MYLK2: variants seen among roughly 807,000 people sequenced by gnomAD.
MYLK2 encodes the protein myosin light chain kinase 2.
Under a neutral mutation model 58.2 loss-of-function variants are expected in MYLK2, and 27 were observed. The observed-to-expected ratio is 0.46, with a 90% CI of 0.34 to 0.64. MYLK2 has a LOEUF of 0.64. Ranked by LOEUF, MYLK2 falls within the 30% of genes least tolerant of loss-of-function variation. MYLK2 has a pLI of 0.01. For synonymous variants in MYLK2, 310 were observed against 296.7 expected (o/e 1.04, Z -0.46); for missense variants, 676 against 764.3 (o/e 0.88, Z 1.36).
chr20:31,823,312 G>C (rs1204343354), intron 4 of MYLK2, among the ~76,000 whole-genome samples, 165 bp from the exon 5 acceptor site: 1 of 152,196 alleles, frequency 6.6e-6, no homozygotes, highest in African/African-American at 2.4e-5. Flanking sequence ...ACTGATATTG[G>C]AAACTGGGCC....
At position 31,826,912 on chromosome 20, in the gene MYLK2, A is replaced by G. The variant is rs749924823; in HGVS notation, c.1198A>G (p.Met400Val). The part of the protein sequence containing the change: ...ICDGILFMHK[M>V]RVLHLDLKPE... ...TGACGGGATCCTCTTCATGCACAAG[A>G]TGAGGGTTTTGCACCTGGACCTCAA... The change falls in exon 8 of 13, where the codon ATG becomes GTG. Residue 400 changes from methionine to valine, a missense_variant. By Grantham distance (21) the Met-to-Val change is conservative (BLOSUM62 1). Around this residue, in one of 2 missense-constraint regions of MYLK2, gnomAD observed 370 missense variants for 467.8 expected, o/e 0.79. Transcript: ENST00000375985. The G allele has an allele frequency of 3.7e-6, 6 of 1,614,056 alleles. No homozygotes were observed. In the South Asian group the frequency reaches 6.6e-5, roughly 18 times the overall value.
chr20:31,821,477 C>CA lies in MYLK2; in HGVS notation c.513dup (p.Ser172IlefsTer6). On this transcript the variant is annotated frameshift_variant, in exon 4 of 13. Coordinates refer to ENST00000375985, the MANE Select transcript of MYLK2 (RefSeq NM_033118.4). LOFTEE classifies it high-confidence loss of function. ...CTGGCCAAGAAGCCCCCAAGCGAGG[C>CA]ATCAGAGCTCACCTTTGAAGGGGTG... 6.2e-7 allele frequency: 1 copy of CA among 1,613,888 alleles called. No homozygotes were observed. The highest frequency in any genetic ancestry group is 8.5e-7 in the Non-Finnish European group (1 of 1,180,044).
rs1029005141 is a variant in MYLK2 at position 31,833,956 on chromosome 20, C to A, written c.*159C>A. The A allele has an allele frequency of 1.1e-5, 7 of 658,324 alleles. No individual in the cohort carries two copies. In the African/African-American group the frequency reaches 1.1e-4, roughly 10 times the overall value. The allele number at this position is 658,324 out of a possible 1,614,324, so 40.8% of individuals were successfully genotyped here. A position where few individuals can be genotyped will look rare whatever the true frequency, so the allele number is the denominator to read the frequency against. The stretch of plus-strand genomic sequence containing the variant: ...GCTCGGGGCTCCCCACGCCCCCATG[C>A]AGTGACCGCTTCCCCGATGTGAGCC... On this transcript the variant is annotated 3_prime_UTR_variant, in exon 13 of 13. Coordinates refer to ENST00000375985, the MANE Select transcript of MYLK2 (RefSeq NM_033118.4).
intron 4 of MYLK2, among the ~76,000 whole-genome samples, chr20:31,822,569 G>A (rs1292461318): frequency 6.6e-6 from 1 of 152,078 alleles, no homozygotes; most frequent in African/African-American, 2.4e-5. Context: ...GCCAGCAGGT[G>A]AATAGGGAAA....
At chr20:31,829,613 G>T (rs1356789956) in intron 8 of MYLK2, among the ~76,000 whole-genome samples, 1 of 152,214 alleles carries the variant, frequency 6.6e-6, no homozygotes, top group African/African-American at 2.4e-5. Context: ...GGATCAGGGG[G>T]TGGTGGCGAC....
chr20:31,819,653 A>T (rs2062241593), intron 2 of MYLK2, 21 bp downstream of exon 2: 2 of 1,551,238 alleles, frequency 1.3e-6, no homozygotes, highest in South Asian at 2.4e-5. Context: ...GGGGCAGGAG[A>T]TGGAGGGAGG....
Position 31,833,770 on chromosome 20 carries a change from G to T in MYLK2, c.1764G>T (p.Ser588=). The T allele has an allele frequency of 6.2e-7, 1 of 1,613,472 alleles. No individual in the cohort carries two copies. The highest frequency in any genetic ancestry group is 1.3e-5 in the African/African-American group (1 of 75,008). The part of the protein sequence containing the change: ...AANRFKKISS[S]GALMALGV Reference sequence around the variant, plus strand: ...ACCGCTTCAAGAAGATCAGCAGCTCGGGGGCACTGATGGCTCTGGGGGTCT... The same window carrying T: ...ACCGCTTCAAGAAGATCAGCAGCTCTGGGGCACTGATGGCTCTGGGGGTCT... The change falls in exon 13 of 13, where the codon TCG becomes TCT. Residue 588 remains serine, a synonymous_variant. Transcript: ENST00000375985.
intron 11 of MYLK2, 70 bp from the exon 12 acceptor site, chr20:31,831,934 G>T: frequency 6.2e-7 from 1 of 1,613,200 alleles, no homozygotes; most frequent in Non-Finnish European, 8.5e-7. Context: ...GAGCCAGGTA[G>T]AGAGGCCAGC....
At chr20:31,824,861 G>C (rs2062270951) in intron 6 of MYLK2, among the ~76,000 whole-genome samples, 1 of 152,240 alleles carries the variant, frequency 6.6e-6, no homozygotes, top group Non-Finnish European at 1.5e-5. Context: ...TGTGTGAGGA[G>C]GTAATAGCAA....
Position 31,823,017 on chromosome 20 carries a change from CG to C in MYLK2, c.773-458del, listed in dbSNP as rs1342074859. 5.9e-5 allele frequency among the ~76,000 whole-genome samples: 9 copies of C among 152,240 alleles called. 1 individual carries two copies. The East Asian group carries it at 9.7e-4, about 16-fold the overall frequency. ...TCTCCCCACCAAACAGCACGGTCCC[CG>C]GTCCCGCCCCGCCATGGGTGGTCTG... On this transcript the variant is annotated intron_variant, in intron 4 of 12. Transcript: ENST00000375985.
intron 5 of MYLK2, 88 bp downstream of exon 5, chr20:31,823,670 A>T (rs1487353287): frequency 7.8e-6 from 10 of 1,276,234 alleles, no homozygotes; most frequent in Admixed American, 7.0e-5. Flanking sequence ...CAAGGCCCAG[A>T]CACACACCCC....
intron 6 of MYLK2, 131 bp from the exon 7 acceptor site, chr20:31,826,474 G>A (rs932750672): frequency 3.2e-6 from 4 of 1,236,976 alleles, no homozygotes; most frequent in Non-Finnish European, 4.6e-6. Flanking sequence ...GGGGGAGAGA[G>A]GAGAGGCAAG....
chr20:31,825,372 CTG>C (rs369834875), intron 6 of MYLK2, among the ~76,000 whole-genome samples: 58 of 152,326 alleles, frequency 3.8e-4, no homozygotes, highest in African/African-American at 1.4e-3. Flanking sequence ...GCTCAATTAA[CTG>C]GGGCCAGTTT....
At chr20:31,833,067 T>C (rs1196009931) in intron 12 of MYLK2, among the ~76,000 whole-genome samples, 1 of 151,998 alleles carries the variant, frequency 6.6e-6, no homozygotes, top group African/African-American at 2.4e-5. Flanking sequence ...TTTAAAAATA[T>C]TTTTGTGGAG....
chr20:31,821,755 G>A lies in MYLK2; in HGVS notation c.772+18G>A, dbSNP rs773045483. 1.3e-6 allele frequency: 2 copies of A among 1,575,910 alleles called. No homozygotes were observed. The highest frequency in any genetic ancestry group is 1.7e-6 in the Non-Finnish European group (2 of 1,159,174). ...GATTTTGGGTAGGCCAGGGGCAGGT[G>A]GGGGCTGGGGCTGCCCTGGGGCCAG... On this transcript the variant is annotated intron_variant, in intron 4 of 12. Coordinates refer to ENST00000375985, the MANE Select transcript of MYLK2 (RefSeq NM_033118.4).
chr20:31,826,744 G>T (rs1326742121), intron 7 of MYLK2, 30 bp downstream of exon 7: 1 of 1,614,074 alleles, frequency 6.2e-7, no homozygotes, highest in South Asian at 1.1e-5. Context: ...GTAGGGGCTG[G>T]GTGGGGGTAC....
intron 8 of MYLK2, chr20:31,827,228 C>T (rs2062285541): frequency 1.0e-6 from 1 of 985,424 alleles, no homozygotes; most frequent in Non-Finnish European, 1.2e-6. Context: ...TCCTGTGAGC[C>T]CCAAGCTCAG....
intron 4 of MYLK2, 138 bp downstream of exon 4, chr20:31,821,875 C>A: frequency 1.5e-6 from 1 of 685,252 alleles, no homozygotes; most frequent in Non-Finnish European, 2.4e-6. Flanking sequence ...ATCTAAGGGT[C>A]ACACAACTCC....
chr20:31,820,969 A>C (rs965001851), intron 3 of MYLK2, among the ~76,000 whole-genome samples: 2 of 152,226 alleles, frequency 1.3e-5, no homozygotes, highest in African/African-American at 4.8e-5. Flanking sequence ...GTAAGATATG[A>C]AAAGATGACT....
Sources: gnomAD v4.1 joint callset for allele counts (sites outside exome capture counted in the v4.1 genomes callset) on GRCh38, gnomAD v4.1.1 for gene constraint, gnomAD v4.1.1 regional missense constraint, MANE v1.5 for transcripts, NCBI Gene and HGNC (gene_info 2026-07-23, HGNC 2026-07-21) for gene names.